ABR: variants seen among roughly 807,000 people sequenced by gnomAD.
ABR encodes the protein ABR activator of RhoGEF and GTPase, also known as active breakpoint cluster region-related protein.
A neutral mutation model predicts 107.2 loss-of-function variants in ABR; 35 were observed. The ratio of observed to expected loss-of-function variants is 0.33; its 90% confidence interval spans 0.25 to 0.43. The LOEUF is 0.43. ABR is among the 20% of genes least tolerant of loss of function. The pLI is 1.00. For synonymous variants in ABR, 498 were observed against 462.0 expected, an observed-to-expected ratio of 1.08 and a Z score of -1.00; for missense variants, 815 against 1,115.2, an observed-to-expected ratio of 0.73 and a Z score of 3.83.
chr17:1,013,089 C>T lies in ABR; in HGVS notation c.1851+16G>A. On this transcript the variant is annotated intron_variant, in intron 17 of 22. Coordinates refer to ENST00000302538, the MANE Select transcript of ABR (RefSeq NM_021962.5). ...CTCCCGGCTCACGCCACTGATCATT[C>T]CCATCCCCGGCTCACCCCGTTCATC... The T allele has an allele frequency of 6.2e-7, 1 of 1,613,810 alleles. No homozygotes were observed. The highest frequency in any genetic ancestry group is 8.5e-7 in the Non-Finnish European group (1 of 1,179,768).
At chr17:1,162,040 A>G (rs1208463136) in intron 1 of ABR, among the ~76,000 whole-genome samples, 1 of 152,086 alleles carries the variant, frequency 6.6e-6, no homozygotes, top group Admixed American at 6.5e-5. Context: ...TTACATGGGG[A>G]CGCTGGGTTC....
At chr17:1,143,024 TG>T (rs2040361481) in intron 1 of ABR, among the ~76,000 whole-genome samples, 1 of 98,068 alleles carries the variant, frequency 1.0e-5, no homozygotes, top group Admixed American at 1.2e-4. Context: ...AGCTCGCTCC[TG>T]GGGGACAGCT....
intron 1 of ABR, among the ~76,000 whole-genome samples, chr17:1,133,769 C>T (rs556507772): frequency 1.3e-5 from 2 of 152,264 alleles, no homozygotes; most frequent in East Asian, 3.9e-4. Flanking sequence ...TAGGAAGTGG[C>T]AACAGACCAG....
At chr17:1,006,292 G>T (rs944929931) in intron 22 of ABR, 123 bp from the exon 23 acceptor site, 6 of 890,354 alleles carry the variant, frequency 6.7e-6, no homozygotes, top group African/African-American at 6.7e-5. Flanking sequence ...TTCCTGGGGA[G>T]CCCAGGTGTG....
intron 16 of ABR, among the ~76,000 whole-genome samples, chr17:1,017,464 CTTTTT>C (rs61229673): frequency 0.022 from 2,274 of 104,588 alleles, 89 homozygotes; most frequent in African/African-American, 0.085. Flanking sequence ...GCCATGCCCT[CTTTTT>C]TTTTTTTTTT....
At chr17:1,129,312 C>T (rs1047406975) in intron 1 of ABR, among the ~76,000 whole-genome samples, 6 of 150,136 alleles carry the variant, frequency 4.0e-5, no homozygotes, top group African/African-American at 1.5e-4. Context: ...CCGAGGCGGG[C>T]GGATCATCTG....
chr17:1,171,141 G>C (rs142598349), intron 1 of ABR, among the ~76,000 whole-genome samples: 12 of 152,312 alleles, frequency 7.9e-5, no homozygotes, highest in African/African-American at 2.9e-4. Context: ...CGCGAACGGG[G>C]TAACCACAAG....
rs2035234705 is a variant in ABR, at chr17:1,071,492, C to T, written c.894+1122G>A. 6.6e-6 allele frequency among the ~76,000 whole-genome samples: 1 copy of T among 152,242 alleles called. No individual in the cohort carries two copies. Among genetic ancestry groups the T allele is most frequent in the Non-Finnish European group, 1.5e-5 (1 of 68,040 alleles). ...CACGAAGGCAACTGTCCCTCTCATG[C>T]TTCCTGGTACTCCCCTTGCTGGGCT... On this transcript the variant is annotated intron_variant, in intron 8 of 22. Transcript: ENST00000302538. The surrounding 1 kb of genome is among the most constrained non-coding windows in gnomAD (Gnocchi z 5.1).
chr17:1,087,868 C>G (rs919352502), intron 4 of ABR, among the ~76,000 whole-genome samples: 7 of 152,164 alleles, frequency 4.6e-5, no homozygotes, highest in African/African-American at 1.7e-4. Context: ...CAGGGACTGC[C>G]GCTGCCACAG....
upstream of ABR, among the ~76,000 whole-genome samples, chr17:1,188,965 A>G (rs2042373796): frequency 6.6e-6 from 1 of 152,188 alleles, no homozygotes; most frequent in African/African-American, 2.4e-5. Flanking sequence ...TTTTCCATAA[A>G]GCACTTTCGG....
rs1567559060 is a variant in ABR at position 1,009,839 on chromosome 17, C to T, written c.2237-55G>A. The T allele has an allele frequency of 9.4e-6, 14 of 1,497,260 alleles. No individual in the cohort carries two copies. The East Asian group carries it at 2.0e-4, about 22-fold the overall frequency. 92.7% of individuals were successfully genotyped at this position (1,497,260 alleles called of 1,614,324 possible). On this transcript the variant is annotated intron_variant, in intron 20 of 22. Coordinates refer to ENST00000302538, the MANE Select transcript of ABR (RefSeq NM_021962.5). ...TGGCTCCTGGGGCTCCCCGCCAGGG[C>T]CCCTGTGGTCGTGAGGCTGTGGGCC...
intron 2 of ABR, among the ~76,000 whole-genome samples, chr17:1,123,070 A>G (rs1276037810): frequency 6.6e-6 from 1 of 152,108 alleles, no homozygotes; most frequent in African/African-American, 2.4e-5. Context: ...AAACATCCCC[A>G]AGTACTCAGG....
intron 1 of ABR, among the ~76,000 whole-genome samples, chr17:1,161,463 C>G (rs1435649805): frequency 6.6e-6 from 1 of 151,808 alleles, no homozygotes. Flanking sequence ...CCGGACTGGT[C>G]TTGAACTCTT....
chr17:1,044,372 G>A (rs912097321), intron 16 of ABR, among the ~76,000 whole-genome samples: 4 of 152,298 alleles, frequency 2.6e-5, no homozygotes, highest in South Asian at 2.1e-4. Flanking sequence ...ATTCCAGGCC[G>A]GGTGCCGTGG....
At chr17:1,056,495 C>T (rs558525523) in intron 13 of ABR, among the ~76,000 whole-genome samples, 10 of 152,204 alleles carry the variant, frequency 6.6e-5, no homozygotes, top group South Asian at 4.1e-4. Context: ...TTCAGGACCC[C>T]GTTCACAAAG....
chr17:1,012,741 G>T lies in ABR; in HGVS notation c.1908C>A (p.Thr636=). 6.3e-7 allele frequency: 1 copy of T among 1,598,528 alleles called. No individual in the cohort carries two copies. The change falls in exon 18 of 23, where the codon ACC becomes ACA. Residue 636 remains threonine (T), a synonymous_variant. Transcript: ENST00000302538. ...FTSRDMSLKR[T]PSKKQTGVFG... Reference sequence around the variant, plus strand: ...AGACGCCGGTCTGCTTTTTGGACGGGGTCCTCTTCAGGCTCATATCTCGGC... The same window carrying T: ...AGACGCCGGTCTGCTTTTTGGACGGTGTCCTCTTCAGGCTCATATCTCGGC...
At chr17:1,041,897 G>A (rs893827262) in intron 16 of ABR, among the ~76,000 whole-genome samples, 1 of 152,128 alleles carries the variant, frequency 6.6e-6, no homozygotes, top group African/African-American at 2.4e-5. Flanking sequence ...GGGTGAAGGG[G>A]TCAAGGGGCA....
At chr17:1,172,258 G>T (rs1347355203) in intron 1 of ABR, among the ~76,000 whole-genome samples, 9 of 152,238 alleles carry the variant, frequency 5.9e-5, no homozygotes, top group Admixed American at 5.9e-4. Flanking sequence ...GCCCAGGCAG[G>T]GGTGGGATTG....
intron 16 of ABR, among the ~76,000 whole-genome samples, chr17:1,036,630 C>T (rs1045910900): frequency 1.3e-5 from 2 of 151,822 alleles, no homozygotes; most frequent in Admixed American, 6.6e-5. Context: ...CATGGGAGCC[C>T]GGGGTGCCCA....
Sources: gnomAD v4.1 joint callset for allele counts (sites outside exome capture counted in the v4.1 genomes callset) on GRCh38, gnomAD v4.1.1 for gene constraint, Gnocchi (gnomAD v3.1) non-coding constraint, MANE v1.5 for transcripts, NCBI Gene and HGNC (gene_info 2026-07-23, HGNC 2026-07-21) for gene names.